ANKRD11: variants seen among roughly 807,000 people sequenced by gnomAD.
The protein encoded by ANKRD11 is ankyrin repeat domain-containing protein 11.
ANKRD11 carries 17 observed loss-of-function variants against 195.7 expected under a neutral mutation model. That is an observed-to-expected ratio of 0.09 (90% CI 0.06 to 0.13). ANKRD11 has a LOEUF of 0.13. ANKRD11 is among the 10% of genes least tolerant of loss of function. The pLI is 1.00. For missense variants in ANKRD11, 3,735 were observed against 3,566.1 expected (o/e 1.05, Z -1.21); for synonymous variants, 1,953 against 1,528.1 (o/e 1.28, Z -6.49).
chr16:89,367,339 G>A (rs138988073), intron 2 of ANKRD11, among the ~76,000 whole-genome samples: 473 of 152,366 alleles, frequency 3.1e-3, no homozygotes, highest in Non-Finnish European at 5.4e-3. Flanking sequence ...GAGCACAGTG[G>A]CGGCGCCCAG....
intron 2 of ANKRD11, among the ~76,000 whole-genome samples, chr16:89,413,764 G>A (rs1483680926): frequency 2.0e-5 from 3 of 152,164 alleles, no homozygotes; most frequent in Non-Finnish European, 4.4e-5. Context: ...AGAAACAGCC[G>A]ACAAGCTCCC....
intron 11 of ANKRD11, chr16:89,271,173 C>G (rs895251872): frequency 1.7e-5 from 9 of 520,418 alleles, no homozygotes; most frequent in African/African-American, 5.8e-5. Flanking sequence ...CACCTGTGAG[C>G]CGGTCCCCAG....
intron 3 of ANKRD11, among the ~76,000 whole-genome samples, chr16:89,312,534 CCAAGTCCAG>C (rs1478083321): frequency 6.6e-6 from 1 of 152,182 alleles, no homozygotes; most frequent in Non-Finnish European, 1.5e-5. Flanking sequence ...AGAAGCGGAT[CCAAGTCCAG>C]CAAGCCCAGC....
intron 3 of ANKRD11, among the ~76,000 whole-genome samples, chr16:89,314,897 C>G (rs3102352): frequency 0.75 from 114,580 of 152,066 alleles, 44,625 homozygotes; most frequent in Non-Finnish European, 0.87. Context: ...CAGGTTCACT[C>G]AGCAGTCTGT....
chr16:89,439,311 T>G (rs760364049), intron 1 of ANKRD11, among the ~76,000 whole-genome samples: 1 of 152,136 alleles, frequency 6.6e-6, no homozygotes, highest in Non-Finnish European at 1.5e-5. Context: ...ATGTAAAAAT[T>G]TAAAAGCAGA....
rs545959758 is a variant in ANKRD11, at chr16:89,366,342, C to T, written c.-59-49264G>A. ...TGGTTTCTATTCCTCTGGGTATATA[C>T]CCAGTAATGAGACTGCTGGGTCAAA... On this transcript the variant is annotated intron_variant, in intron 2 of 12. Coordinates refer to ENST00000301030, the MANE Select transcript of ANKRD11 (RefSeq NM_013275.6). Among the ~76,000 whole-genome samples the T allele has an allele frequency of 2.1e-3, 316 of 152,192 alleles. 1 individual carries two copies. The highest frequency in any genetic ancestry group is 7.4e-3 in the African/African-American group (306 of 41,508).
Position 89,281,098 on chromosome 16 carries a change from A to G in ANKRD11, c.5444T>C (p.Val1815Ala), listed in dbSNP as rs752079147. Residue 1815 changes from valine (V) to alanine (A), a missense_variant, in exon 9 of 13, where the codon GTT becomes GCT. By Grantham distance (64) the Val-to-Ala change is moderately conservative. Coordinates refer to ENST00000301030, the MANE Select transcript of ANKRD11 (RefSeq NM_013275.6). This position sits in a 1 kb window ranked among gnomAD's most constrained non-coding sequence, Gnocchi z 5.5. ...VGDKLFRQQS[V>A]PAASSYDSPM... ...AGAGTCGTAGCTGGAGGCAGCAGGA[A>G]CGCTCTGCTGCCTGAAGAGCTTGTC... is the stretch of plus-strand genomic sequence containing the variant. The G allele has an allele frequency of 6.2e-7, 1 of 1,610,374 alleles. No individual in the cohort carries two copies. Among genetic ancestry groups the G allele is most frequent in the Non-Finnish European group, 8.5e-7 (1 of 1,177,066 alleles).
intron 4 of ANKRD11, among the ~76,000 whole-genome samples, chr16:89,294,601 G>A (rs1344164051): frequency 2.0e-5 from 3 of 152,134 alleles, no homozygotes; most frequent in Non-Finnish European, 4.4e-5. Context: ...CCCACCCACG[G>A]AGCGAGACCC....
In ANKRD11 at chr16:89,283,146, C is replaced by G. The variant is rs376947273; in HGVS notation, c.3396G>C (p.Gly1132=). ...ESEDDRDSCM[G]SGFKMGEASD... ...TGGCCTCTCCCATCTTGAACCCGCT[C>G]CCCATGCAGCTGTCTCTGTCGTCCT... is the stretch of plus-strand genomic sequence containing the variant. Residue 1132 remains glycine, a synonymous_variant, in exon 9 of 13, where the codon GGG becomes GGC. Transcript: ENST00000301030. This position sits in a 1 kb window ranked among gnomAD's most constrained non-coding sequence, Gnocchi z 4.3. 15 of 1,613,844 alleles carry G rather than the reference C, an allele frequency of 9.3e-6. No homozygotes were observed. Among genetic ancestry groups the G allele is most frequent in the Non-Finnish European group, 1.2e-5 (14 of 1,180,022 alleles).
intron 3 of ANKRD11, among the ~76,000 whole-genome samples, chr16:89,312,251 C>T (rs1278549202): frequency 6.6e-6 from 1 of 152,230 alleles, no homozygotes; most frequent in African/African-American, 2.4e-5. Context: ...TCGGCGTTCA[C>T]AGCATCAGGT....
chr16:89,295,430 C>T (rs2035351026), intron 4 of ANKRD11, among the ~76,000 whole-genome samples: 1 of 152,252 alleles, frequency 6.6e-6, no homozygotes, highest in Non-Finnish European at 1.5e-5. Context: ...TCCACCTCGC[C>T]AGCCCTCTGA....
chr16:89,401,357 C>A (rs1000122484), intron 2 of ANKRD11, among the ~76,000 whole-genome samples: 1 of 151,800 alleles, frequency 6.6e-6, no homozygotes, highest in African/African-American at 2.4e-5. Flanking sequence ...GATTACAGCA[C>A]GAGCCACTGC....
intron 7 of ANKRD11, chr16:89,286,751 G>A (rs1340653495): frequency 7.8e-7 from 1 of 1,287,018 alleles, no homozygotes; most frequent in Non-Finnish European, 1.0e-6. Flanking sequence ...GTGGTCACAT[G>A]ACTGACAGAG....
At chr16:89,302,926 A>G (rs2035944918) in intron 4 of ANKRD11, among the ~76,000 whole-genome samples, 1 of 152,206 alleles carries the variant, frequency 6.6e-6, no homozygotes, top group Non-Finnish European at 1.5e-5. Flanking sequence ...AGACCCACAG[A>G]GAGCGAGAAT....
rs1037972191 is a variant in ANKRD11, at chr16:89,399,913, G to C, written c.-60+18371C>G. Among the ~76,000 whole-genome samples the C allele has an allele frequency of 3.3e-5, 5 of 152,184 alleles. No individual in the cohort carries two copies. The South Asian group carries it at 8.3e-4, about 25-fold the overall frequency. Reference sequence around the variant, plus strand: ...GGCTCCCAGAGCACAGGAAGGTCCAGTGCACCAGGACCAAGAAGCAGAGTA... The same window carrying C: ...GGCTCCCAGAGCACAGGAAGGTCCACTGCACCAGGACCAAGAAGCAGAGTA... On this transcript the variant is annotated intron_variant, in intron 2 of 12. Coordinates refer to ENST00000301030, the MANE Select transcript of ANKRD11 (RefSeq NM_013275.6).
chr16:89,381,039 G>A (rs1377645850), intron 2 of ANKRD11, among the ~76,000 whole-genome samples: 1 of 152,158 alleles, frequency 6.6e-6, no homozygotes, highest in African/African-American at 2.4e-5. Flanking sequence ...GATGAGAAGG[G>A]CGGCTGGGCG....
At chr16:89,319,376 G>A (rs565538971) in intron 2 of ANKRD11, among the ~76,000 whole-genome samples, 18 of 152,344 alleles carry the variant, frequency 1.2e-4, no homozygotes, top group African/African-American at 3.8e-4. Flanking sequence ...GGAGGTGGAG[G>A]AAGTGGGTCG....
At chr16:89,319,425 A>C (rs2037166795) in intron 2 of ANKRD11, among the ~76,000 whole-genome samples, 1 of 152,234 alleles carries the variant, frequency 6.6e-6, no homozygotes, top group South Asian at 2.1e-4. Flanking sequence ...CCTGCATCAC[A>C]GCGAACACTC....
rs118145550 is a variant in ANKRD11 at position 89,362,080 on chromosome 16, T to A, written c.-59-45002A>T. Among the ~76,000 whole-genome samples, 1,267 of 152,380 alleles carry A rather than the reference T, an allele frequency of 8.3e-3. 13 individuals are homozygous for A. The highest frequency in any genetic ancestry group is 0.037 in the South Asian group (179 of 4,832). ...CGTTTCATTAAATGCACTGAAAGTT[T>A]TGTAAAAGATGCAAGTTTCAACATG... On this transcript the variant is annotated intron_variant, in intron 2 of 12. Coordinates refer to ENST00000301030, the MANE Select transcript of ANKRD11 (RefSeq NM_013275.6).
Sources: allele counts gnomAD v4.1 joint callset (sites outside exome capture counted in the v4.1 genomes callset), GRCh38; gene constraint gnomAD v4.1.1; non-coding constraint Gnocchi (gnomAD v3.1); transcripts MANE v1.5; gene names NCBI Gene and HGNC (gene_info 2026-07-23, HGNC 2026-07-21).